KALRN: variants seen among roughly 807,000 people sequenced by gnomAD.
KALRN encodes the protein kalirin.
In KALRN, 70 loss-of-function variants were observed where a neutral mutation model predicts 353.7. The observed-to-expected ratio is 0.20, with a 90% CI of 0.16 to 0.24. The LOEUF (loss-of-function observed/expected upper bound fraction) is 0.24. Among genes scored for constraint, KALRN ranks in the 10% least tolerant of loss-of-function variants. The probability of loss-of-function intolerance (pLI) is 1.00; values close to 1 mark genes in which losing one functional copy is unlikely to be tolerated. For synonymous variants in KALRN, 1,391 were observed against 1,434.8 expected, an observed-to-expected ratio of 0.97 and a Z score of 0.69; for missense variants, 2,791 against 3,756.7, an observed-to-expected ratio of 0.74 and a Z score of 6.72.
chr3:124,235,508 C>T (rs9869723), intron 3 of KALRN, among the ~76,000 whole-genome samples: 11,669 of 56,446 alleles, frequency 0.21, 553 homozygotes, highest in East Asian at 0.26. Context: ...ATAGTTGAGA[C>T]GGAAGAGAAG....
At chr3:124,711,586 G>A (rs2062890621) in intron 57 of KALRN, among the ~76,000 whole-genome samples, 1 of 152,106 alleles carries the variant, frequency 6.6e-6, no homozygotes, top group Non-Finnish European at 1.5e-5. Context: ...TTGCTGACCT[G>A]TGCCCTACAG....
At chr3:124,697,125 TG>T (rs1304601111) in intron 54 of KALRN, among the ~76,000 whole-genome samples, 3 of 152,056 alleles carry the variant, frequency 2.0e-5, no homozygotes, top group Non-Finnish European at 4.4e-5. Context: ...CTCGAACTCC[TG>T]GGCTCAAGTG....
In KALRN at chr3:124,209,018, G is replaced by T. The variant is rs1325060969; in HGVS notation, c.74-18972G>T. Among the ~76,000 whole-genome samples, 5 of 151,904 alleles carry T rather than the reference G, an allele frequency of 3.3e-5. No homozygotes were observed. In the East Asian group the frequency reaches 9.7e-4, roughly 29 times the overall value. ...CATCATCATCATAACCAATAGTTAA[G>T]AAAAATAAGGGGATAGTAAAAGCCC... is the stretch of plus-strand genomic sequence containing the variant. On this transcript the variant is annotated intron_variant, in intron 1 of 59. Coordinates refer to ENST00000682506, the MANE Select transcript of KALRN (RefSeq NM_001388419.1).
At chr3:124,605,188 C>G (rs1292938198) in intron 34 of KALRN, among the ~76,000 whole-genome samples, 1 of 151,628 alleles carries the variant, frequency 6.6e-6, no homozygotes, top group East Asian at 2.0e-4. Context: ...TCAAGGGATC[C>G]TCCTGCCTCG....
intron 53 of KALRN, 26 bp downstream of exon 53, chr3:124,694,529 A>T: frequency 6.2e-7 from 1 of 1,605,698 alleles, no homozygotes; most frequent in Non-Finnish European, 8.5e-7. Context: ...TAACATCAGC[A>T]ACAGCAGCCC....
chr3:124,262,931 G>A (rs2073067818), intron 3 of KALRN, among the ~76,000 whole-genome samples: 1 of 152,018 alleles, frequency 6.6e-6, no homozygotes. Context: ...TACTATGCTG[G>A]TATTTATATT....
chr3:124,209,912 A>G (rs2076760929), intron 1 of KALRN, among the ~76,000 whole-genome samples: 1 of 152,214 alleles, frequency 6.6e-6, no homozygotes, highest in Non-Finnish European at 1.5e-5. Context: ...AGTTCCTTTA[A>G]TATGTTCTGA....
chr3:124,530,075 T>G (rs141358171), intron 33 of KALRN, among the ~76,000 whole-genome samples: 1 of 152,266 alleles, frequency 6.6e-6, no homozygotes, highest in African/African-American at 2.4e-5. Flanking sequence ...ATCCATCTAT[T>G]GTGAGTCAGC....
intron 34 of KALRN, among the ~76,000 whole-genome samples, chr3:124,600,024 G>A (rs2076643640): frequency 6.6e-6 from 1 of 152,246 alleles, no homozygotes; most frequent in Non-Finnish European, 1.5e-5. Flanking sequence ...AGGGCTGCAA[G>A]AGCAAAATCA....
chr3:124,381,423 C>T (rs1560747298), intron 10 of KALRN, among the ~76,000 whole-genome samples: 2 of 152,112 alleles, frequency 1.3e-5, no homozygotes, highest in Admixed American at 6.5e-5. Flanking sequence ...GACATTTTAC[C>T]CCAAAGGCAG....
chr3:124,528,463 A>G (rs563117695), intron 33 of KALRN, among the ~76,000 whole-genome samples: 1 of 152,242 alleles, frequency 6.6e-6, no homozygotes, highest in South Asian at 2.1e-4. Context: ...CCCAAGCCCC[A>G]CTTAGGACTC....
chr3:124,300,559 C>A (rs1330314664), intron 6 of KALRN, among the ~76,000 whole-genome samples: 1 of 152,184 alleles, frequency 6.6e-6, no homozygotes, highest in African/African-American at 2.4e-5. Context: ...AGAAGTGATA[C>A]ATTTGCTCAC....
chr3:124,454,907 T>TG (rs1345660391), intron 21 of KALRN, among the ~76,000 whole-genome samples: 2 of 152,156 alleles, frequency 1.3e-5, no homozygotes, highest in East Asian at 1.9e-4. Flanking sequence ...TTGGTATCCA[T>TG]GGGGGGCCCT....
At position 124,632,475 on chromosome 3, in the gene KALRN, C is replaced by T. The variant is rs773879212; in HGVS notation, c.5238C>T (p.Asn1746=). 15 of 1,613,948 alleles carry T rather than the reference C, an allele frequency of 9.3e-6. No individual in the cohort carries two copies. Among genetic ancestry groups the T allele is most frequent in the Non-Finnish European group, 1.3e-5 (15 of 1,179,988 alleles). Reference sequence around the variant, plus strand: ...GAGGCAAGTCCGAGTCCGTGGCCAACCTGCAGGCCCAGCCCTCCCTGAACT... The same window carrying T: ...GAGGCAAGTCCGAGTCCGTGGCCAATCTGCAGGCCCAGCCCTCCCTGAACT... ...ENGGKSESVA[N]LQAQPSLNSI... is the part of the protein sequence containing the mutation. Residue 1746 remains asparagine (N), a synonymous_variant, in exon 35 of 60, where the codon AAC becomes AAT. Coordinates refer to ENST00000682506, the MANE Select transcript of KALRN (RefSeq NM_001388419.1).
chr3:124,230,501 G>A (rs984460166), intron 2 of KALRN, among the ~76,000 whole-genome samples: 2 of 152,266 alleles, frequency 1.3e-5, no homozygotes, highest in Non-Finnish European at 2.9e-5. Flanking sequence ...TTCAGTCAGA[G>A]CCCTGGGCAG....
At chr3:124,369,022 C>T in intron 10 of KALRN, among the ~76,000 whole-genome samples, 1 of 151,740 alleles carries the variant, frequency 6.6e-6, no homozygotes, top group Admixed American at 6.6e-5. Flanking sequence ...TTCGGCTCCG[C>T]ATGAGAGGGA....
chr3:124,667,632 G>A (rs1207167460), intron 47 of KALRN, among the ~76,000 whole-genome samples: 5 of 152,202 alleles, frequency 3.3e-5, no homozygotes, highest in Non-Finnish European at 5.9e-5. Context: ...CAGTGTGAGA[G>A]CCTACATAAG....
chr3:124,413,161 T>C (rs1001418714), intron 13 of KALRN, among the ~76,000 whole-genome samples: 17 of 152,298 alleles, frequency 1.1e-4, no homozygotes, highest in Admixed American at 9.2e-4. Flanking sequence ...GCCTGCCTCA[T>C]TGAGTTATTG....
chr3:124,280,635 G>T (rs561202679), intron 5 of KALRN, among the ~76,000 whole-genome samples: 1 of 152,186 alleles, frequency 6.6e-6, no homozygotes, highest in Non-Finnish European at 1.5e-5. Context: ...ATGTGTAGGT[G>T]CACTAGTTTT....
Sources: allele counts gnomAD v4.1 joint callset (sites outside exome capture counted in the v4.1 genomes callset), GRCh38; gene constraint gnomAD v4.1.1; transcripts MANE v1.5; gene names NCBI Gene and HGNC (gene_info 2026-07-23, HGNC 2026-07-21).